PIEZO2: variants seen among roughly 807,000 people sequenced by gnomAD.
PIEZO2 encodes piezo-type mechanosensitive ion channel component 2.
A neutral mutation model predicts 337.3 loss-of-function variants in PIEZO2; 172 were observed. The observed-to-expected ratio is 0.51, with a 90% confidence interval of 0.45 to 0.58. PIEZO2 has a LOEUF of 0.58. PIEZO2 is among the 20% of genes least tolerant of loss of function. PIEZO2 has a pLI of 0.00. For missense variants in PIEZO2, 3,028 were observed against 3,391.3 expected (o/e 0.89, Z 2.66); for synonymous variants, 1,251 against 1,228.5 (o/e 1.02, Z -0.38).
At position 10,761,090 on chromosome 18, in the gene PIEZO2, T is replaced by C. The variant is rs1477445442; in HGVS notation, c.3271A>G (p.Ile1091Val). The C allele has an allele frequency of 3.9e-6, 6 of 1,537,104 alleles. No homozygotes were observed. The highest frequency in any genetic ancestry group is 1.2e-5 in the South Asian group (1 of 84,056). Residue 1091 changes from isoleucine to valine, a missense_variant, in exon 24 of 56, where the codon ATC becomes GTC. Transcript: ENST00000674853. ...YLRNNLLMLA[I>V]LAFEVTIYRH... ...TAAATGGTGACTTCAAAGGCCAGGA[T>C]AGCCAGCATCAGGAGGTTATTCTAC...
intron 53 of PIEZO2, among the ~76,000 whole-genome samples, chr18:10,675,929 C>A (rs9954564): frequency 2.0e-5 from 3 of 152,034 alleles, no homozygotes; most frequent in Non-Finnish European, 2.9e-5. Context: ...ACTCCTCCTT[C>A]GCCTTCCACC....
Position 11,104,639 on chromosome 18 carries a change from G to A in PIEZO2, c.65-38417C>T, listed in dbSNP as rs915242807. ...GTGTCACAAGGTGGGCAGTGCCCAG[G>A]GACAGCAGCTTTCTCAGCCTACCTA... On this transcript the variant is annotated intron_variant, in intron 1 of 55. Coordinates refer to ENST00000674853, the MANE Select transcript of PIEZO2 (RefSeq NM_001378183.1). This position sits in a 1 kb window ranked among gnomAD's most constrained non-coding sequence, Gnocchi z 4.6. 4.4e-4 allele frequency among the ~76,000 whole-genome samples: 67 copies of A among 152,232 alleles called. No homozygotes were observed. The highest frequency in any genetic ancestry group is 4.3e-3 in the Admixed American group (66 of 15,284).
intron 1 of PIEZO2, among the ~76,000 whole-genome samples, chr18:11,085,967 C>T (rs1258501215): frequency 6.6e-6 from 1 of 152,034 alleles, no homozygotes; most frequent in Non-Finnish European, 1.5e-5. Flanking sequence ...AGGACAGACA[C>T]TATAAATTAA....
intron 4 of PIEZO2, among the ~76,000 whole-genome samples, chr18:10,886,487 C>CATATATATATATATATATATATATAT: frequency 1.7e-4 from 8 of 45,878 alleles, no homozygotes; most frequent in African/African-American, 1.2e-3. Flanking sequence ...ATATCCAAAC[C>CATATATATATATATATATATATATAT]ATATATATAT....
Position 10,866,288 on chromosome 18 carries a change from C to CT in PIEZO2, c.492+4964dup, listed in dbSNP as rs140860572. ...ATATTGTCAATAATAATATCCCTGC[C>CT]TTTTTTTTTTTTTTTGAGACAGAGT... On this transcript the variant is annotated intron_variant, in intron 5 of 55. Transcript: ENST00000674853. 3.4e-3 allele frequency among the ~76,000 whole-genome samples: 475 copies of CT among 139,766 alleles called. 3 individuals carry two copies. Among genetic ancestry groups the CT allele is most frequent in the Middle Eastern group, 3.7e-3 (1 of 270 alleles). The allele number at this position is 139,766 out of a possible 152,430, so 91.7% of individuals were successfully genotyped here.
chr18:10,959,843 G>A (rs939383771), intron 3 of PIEZO2, among the ~76,000 whole-genome samples: 2 of 152,052 alleles, frequency 1.3e-5, no homozygotes, highest in African/African-American at 4.8e-5. Flanking sequence ...TCATCACGAA[G>A]CATTTTTATG....
intron 27 of PIEZO2, among the ~76,000 whole-genome samples, chr18:10,757,642 T>C (rs2037935371): frequency 6.6e-6 from 1 of 150,834 alleles, no homozygotes; most frequent in Admixed American, 6.6e-5. Context: ...GGATGAGCTA[T>C]GGGGATGCAG....
intron 7 of PIEZO2, among the ~76,000 whole-genome samples, chr18:10,843,726 T>C (rs2041264273): frequency 6.6e-6 from 1 of 152,210 alleles, no homozygotes; most frequent in Non-Finnish European, 1.5e-5. Context: ...GTCAATGAGA[T>C]ACAGTTTCCG....
intron 2 of PIEZO2, among the ~76,000 whole-genome samples, chr18:11,057,021 T>C (rs4499302): frequency 0.67 from 101,100 of 151,968 alleles, 34,270 homozygotes; most frequent in East Asian, 0.98. Context: ...GGATCAATGG[T>C]GGGTACTTAA....
chr18:10,762,083 C>T (rs1042870488), intron 23 of PIEZO2, among the ~76,000 whole-genome samples: 2 of 152,150 alleles, frequency 1.3e-5, no homozygotes, highest in Non-Finnish European at 2.9e-5. Context: ...CAGAAATAAC[C>T]ACTATTGAGC....
chr18:10,757,970 T>C lies in PIEZO2; in HGVS notation c.3922A>G (p.Arg1308Gly), dbSNP rs1372102441. The change falls in exon 27 of 56, where the codon AGA (arginine) becomes GGA (glycine). Residue 1308 changes from arginine to glycine, a missense_variant and splice_region_variant. Transcript: ENST00000674853. ...HNPVPDFIHC[R>G]SYLDMSKVII... ...TAGCAAATGTGAAGCTCTTGTTACC[T>C]GCAGTGAATAAAATCTGGCACAGGG... 1 of 1,534,340 alleles carries C rather than the reference T, an allele frequency of 6.5e-7. No individual in the cohort carries two copies. Among genetic ancestry groups the C allele is most frequent in the Non-Finnish European group, 8.7e-7 (1 of 1,145,526 alleles).
rs1240993623 is a variant in PIEZO2, at chr18:10,705,749, G to T, written c.5589-3C>A. 1.3e-6 allele frequency: 2 copies of T among 1,515,680 alleles called. No individual in the cohort carries two copies. The highest frequency in any genetic ancestry group is 4.1e-5 in the Admixed American group (2 of 48,794). The allele number at this position is 1,515,680 out of a possible 1,614,324, so 93.9% of individuals were successfully genotyped here. ...GCATGGTACACTGCGTGGGCTCGCT[G>T]TTGGGAGAAAGCGTGGGCACAGAGC... On this transcript the variant is annotated splice_polypyrimidine_tract_variant and splice_region_variant and intron_variant, in intron 40 of 55. Transcript: ENST00000674853.
chr18:10,681,913 C>A (rs917598955), intron 50 of PIEZO2, among the ~76,000 whole-genome samples, 160 bp from the exon 51 acceptor site: 1 of 151,180 alleles, frequency 6.6e-6, no homozygotes, highest in Non-Finnish European at 1.5e-5. Context: ...TGATTATTCC[C>A]GTGCTCAAGA....
intron 35 of PIEZO2, among the ~76,000 whole-genome samples, chr18:10,732,192 G>A (rs1418328402): frequency 6.6e-6 from 1 of 152,132 alleles, no homozygotes; most frequent in Non-Finnish European, 1.5e-5. Flanking sequence ...AAGAGCAATT[G>A]TGAAGAGCCC....
At chr18:10,816,109 C>T (rs1401694343) in intron 7 of PIEZO2, among the ~76,000 whole-genome samples, 1 of 152,178 alleles carries the variant, frequency 6.6e-6, no homozygotes, top group Non-Finnish European at 1.5e-5. Context: ...TGGAAGCCCT[C>T]GGCTCTTCAC....
At chr18:10,756,926 TGGA>T (rs1365972782) in intron 27 of PIEZO2, among the ~76,000 whole-genome samples, 1 of 76,972 alleles carries the variant, frequency 1.3e-5, no homozygotes, top group African/African-American at 9.3e-5. Flanking sequence ...GGATGAGGGA[TGGA>T]GGAGGAGAAG....
chr18:10,992,197 G>T (rs2035137393), intron 2 of PIEZO2, among the ~76,000 whole-genome samples: 1 of 152,172 alleles, frequency 6.6e-6, no homozygotes, highest in African/African-American at 2.4e-5. Flanking sequence ...TCACTCTGAT[G>T]ATAGTTTCTT....
chr18:10,734,607 C>T (rs762475846), intron 35 of PIEZO2, among the ~76,000 whole-genome samples: 27 of 152,266 alleles, frequency 1.8e-4, no homozygotes, highest in Admixed American at 1.6e-3. Context: ...CGTAACGAAG[C>T]GACTACAGCA....
At chr18:11,010,567 T>G (rs939502207) in intron 2 of PIEZO2, among the ~76,000 whole-genome samples, 2 of 152,084 alleles carry the variant, frequency 1.3e-5, no homozygotes, top group African/African-American at 4.8e-5. Context: ...ATTGGAAGGG[T>G]GGGTACTGGT....
Sources: gnomAD v4.1 joint callset for allele counts (sites outside exome capture counted in the v4.1 genomes callset) on GRCh38, gnomAD v4.1.1 for gene constraint, Gnocchi (gnomAD v3.1) non-coding constraint, MANE v1.5 for transcripts, NCBI Gene and HGNC (gene_info 2026-07-23, HGNC 2026-07-21) for gene names.